Variants in RAB3B observed in about 807,000 individuals in gnomAD.
RAB3B encodes the protein RAB3B, member RAS oncogene family.
Under a neutral mutation model 20.5 loss-of-function variants are expected in RAB3B, and 11 were observed. The ratio of observed to expected loss-of-function variants is 0.54; its 90% CI spans 0.34 to 0.89. The LOEUF is 0.89. Ranked by LOEUF, RAB3B falls within the 40% of genes least tolerant of loss-of-function variation. RAB3B has a pLI of 0.02. For missense variants in RAB3B, 225 were observed against 280.9 expected, an observed-to-expected ratio of 0.80 and a Z score of 1.42; for synonymous variants, 99 against 106.3, an observed-to-expected ratio of 0.93 and a Z score of 0.42.
In RAB3B at chr1:51,911,640, A is replaced by G. The variant is rs1292161107; in HGVS notation, c.*8287T>C. The G allele has an allele frequency of 6.6e-6, 1 of 152,020 alleles. No individual in the cohort carries two copies. Among genetic ancestry groups the G allele is most frequent in the Non-Finnish European group, 1.5e-5 (1 of 68,020 alleles). 9.4% of individuals were successfully genotyped at this position (152,020 alleles called of 1,614,324 possible). A position where few individuals can be genotyped will look rare whatever the true frequency, so the allele number is the denominator to read the frequency against. On this transcript the variant is annotated 3_prime_UTR_variant, in exon 5 of 5. Transcript: ENST00000371655. ...CAGGGTCTAGAAAACCAGAGACCAC[A>G]CTCTTTCTCACCTTATGTCTCTGCT...
At chr1:51,937,453 G>A in intron 2 of RAB3B, 41 bp from the exon 3 acceptor site, 1 of 1,421,036 alleles carries the variant, frequency 7.0e-7, no homozygotes, top group Non-Finnish European at 9.6e-7. Flanking sequence ...TAGAAAGTCT[G>A]CTTTGGTTCC....
chr1:51,973,065 A>G (rs945311085), intron 2 of RAB3B, among the ~76,000 whole-genome samples: 1 of 152,210 alleles, frequency 6.6e-6, no homozygotes, highest in Non-Finnish European at 1.5e-5. Flanking sequence ...TTCAAACTGA[A>G]GCCAGGAATT....
intron 1 of RAB3B, among the ~76,000 whole-genome samples, chr1:51,982,338 A>C (rs1463084644): frequency 1.3e-5 from 2 of 152,328 alleles, no homozygotes; most frequent in African/African-American, 4.8e-5. Context: ...GCTCAAGCCA[A>C]GGAGTTTGAG....
chr1:51,919,839 A>T lies in RAB3B; in HGVS notation c.*88T>A. On this transcript the variant is annotated 3_prime_UTR_variant, in exon 5 of 5. Coordinates refer to ENST00000371655, the MANE Select transcript of RAB3B (RefSeq NM_002867.4). ...AGTGTGGGCAGTGTGTAACAGGGAGAGTGGGCTGAGAGCGGACAGTGTGTA... is the reference window on the plus strand; with the variant it reads ...AGTGTGGGCAGTGTGTAACAGGGAGTGTGGGCTGAGAGCGGACAGTGTGTA... 1 of 1,308,990 alleles carries T rather than the reference A, an allele frequency of 7.6e-7. No homozygotes were observed. Among genetic ancestry groups the T allele is most frequent in the Non-Finnish European group, 1.0e-6 (1 of 952,682 alleles). The allele number at this position is 1,308,990 out of a possible 1,614,324, so 81.1% of individuals were successfully genotyped here.
At chr1:51,978,275 C>T (rs559914306) in intron 1 of RAB3B, among the ~76,000 whole-genome samples, 37 of 152,330 alleles carry the variant, frequency 2.4e-4, no homozygotes, top group Middle Eastern at 3.4e-3. Context: ...GTCACTTCAT[C>T]ACTCTGGGGC....
chr1:51,936,646 G>C (rs1684407794), intron 3 of RAB3B, among the ~76,000 whole-genome samples: 1 of 151,898 alleles, frequency 6.6e-6, no homozygotes, highest in African/African-American at 2.4e-5. Context: ...TTATTCATTT[G>C]TCCCTCGGGC....
At chr1:51,952,316 C>A (rs1209935388) in intron 2 of RAB3B, among the ~76,000 whole-genome samples, 1 of 152,160 alleles carries the variant, frequency 6.6e-6, no homozygotes, top group African/African-American at 2.4e-5. Context: ...GTCTCTCACA[C>A]AAAGCCCTCA....
intron 2 of RAB3B, among the ~76,000 whole-genome samples, chr1:51,955,582 T>A (rs1320209222): frequency 6.6e-6 from 1 of 152,126 alleles, no homozygotes; most frequent in East Asian, 1.9e-4. Context: ...ATGTTTTTAG[T>A]AGAGACAGGG....
Position 51,939,070 on chromosome 1 carries a change from G to A in RAB3B, c.229-1658C>T, listed in dbSNP as rs141119550. On this transcript the variant is annotated intron_variant, in intron 2 of 4. Coordinates refer to ENST00000371655, the MANE Select transcript of RAB3B (RefSeq NM_002867.4). ...TTAAGACAATTCTTAATCACAAGTA[G>A]CTCATAGTCTAGTTGGAAAGACAAA... Among the ~76,000 whole-genome samples the A allele has an allele frequency of 1.2e-4, 18 of 152,272 alleles. No individual in the cohort carries two copies. The East Asian group carries it at 3.5e-3, about 29-fold the overall frequency.
chr1:51,955,096 G>A (rs374691669), intron 2 of RAB3B, among the ~76,000 whole-genome samples: 86 of 152,370 alleles, frequency 5.6e-4, no homozygotes, highest in African/African-American at 1.9e-3. Context: ...AGGGGGCGTT[G>A]ACCTTTATGA....
In RAB3B at chr1:51,990,556, G is replaced by A. The variant is rs1471425314; in HGVS notation, c.-5C>T. ...TGCCGGGGCCGCGCCCCTTACCGCG[G>A]ACTCCGAGTGCGGGACGACGGGTTC... is the stretch of plus-strand genomic sequence containing the variant. On this transcript the variant is annotated 5_prime_UTR_variant, in exon 1 of 5. Coordinates refer to ENST00000371655, the MANE Select transcript of RAB3B (RefSeq NM_002867.4). The A allele has an allele frequency of 6.6e-6, 1 of 151,926 alleles. No individual in the cohort carries two copies. The allele number at this position is 151,926 out of a possible 1,614,324, so 9.4% of individuals were successfully genotyped here. A position where few individuals can be genotyped will look rare whatever the true frequency, so the allele number is the denominator to read the frequency against.
At chr1:51,948,410 A>G (rs1016385786) in intron 2 of RAB3B, among the ~76,000 whole-genome samples, 2 of 152,244 alleles carry the variant, frequency 1.3e-5, no homozygotes, top group Non-Finnish European at 2.9e-5. Context: ...TAGTACTGCT[A>G]TCTTCAACTA....
chr1:51,973,427 C>T (rs12093853), intron 2 of RAB3B: 1 of 146,950 alleles, frequency 6.8e-6, no homozygotes, highest in Admixed American at 7.1e-5. Flanking sequence ...GCTATACCAC[C>T]CTGAACGCGC....
chr1:51,971,010 CA>C (rs3074914), intron 2 of RAB3B, among the ~76,000 whole-genome samples: 4,130 of 55,834 alleles, frequency 0.074, 88 homozygotes, highest in African/African-American at 0.19. Flanking sequence ...GACTCCGTCT[CA>C]AAAAAAAAAA....
At chr1:51,932,199 A>G (rs907410044) in intron 4 of RAB3B, among the ~76,000 whole-genome samples, 4 of 152,224 alleles carry the variant, frequency 2.6e-5, no homozygotes, top group African/African-American at 9.6e-5. Context: ...TATTTTATAC[A>G]GATTACCCAC....
At chr1:51,942,969 A>G (rs938122521) in intron 2 of RAB3B, among the ~76,000 whole-genome samples, 4 of 152,202 alleles carry the variant, frequency 2.6e-5, no homozygotes, top group African/African-American at 9.7e-5. Flanking sequence ...ATATTAAGGC[A>G]GTGAACTTAA....
intron 2 of RAB3B, among the ~76,000 whole-genome samples, chr1:51,954,258 CAT>C (rs1322203129): frequency 6.6e-6 from 1 of 152,164 alleles, no homozygotes; most frequent in Non-Finnish European, 1.5e-5. Flanking sequence ...TCATCAAAAA[CAT>C]ATAAAGATTT....
At chr1:51,967,541 A>G (rs1159442379) in intron 2 of RAB3B, among the ~76,000 whole-genome samples, 1 of 4,036 alleles carries the variant, frequency 2.5e-4, no homozygotes, top group African/African-American at 3.7e-4. Context: ...TTTTTTTTTG[A>G]GATAGGATCT....
intron 2 of RAB3B, among the ~76,000 whole-genome samples, chr1:51,973,061 C>G (rs923143541): frequency 1.3e-5 from 2 of 152,198 alleles, no homozygotes; most frequent in African/African-American, 4.8e-5. Flanking sequence ...ACCCTTCAAA[C>G]TGAAGCCAGG....
Sources: allele counts gnomAD v4.1 joint callset (sites outside exome capture counted in the v4.1 genomes callset), GRCh38; gene constraint gnomAD v4.1.1; transcripts MANE v1.5; gene names NCBI Gene and HGNC (gene_info 2026-07-23, HGNC 2026-07-21).